The following MIPOL1 variants were observed in gnomAD, a reference collection of about 807,000 sequenced individuals.
MIPOL1 encodes mirror-image polydactyly gene 1 protein.
Under a neutral mutation model 60.9 loss-of-function variants are expected in MIPOL1, and 57 were observed. The observed-to-expected ratio is 0.94, with a 90% CI of 0.76 to 1.17. The LOEUF is 1.17. MIPOL1 is among the 50% of genes most tolerant of loss of function. MIPOL1 has a pLI of 0.00. For synonymous variants in MIPOL1, 179 were observed against 168.8 expected (o/e 1.06, Z -0.47); for missense variants, 551 against 511.6 (o/e 1.08, Z -0.74).
At chr14:37,404,432 T>C (rs1046760136) in intron 10 of MIPOL1, among the ~76,000 whole-genome samples, 2 of 152,186 alleles carry the variant, frequency 1.3e-5, no homozygotes, top group Non-Finnish European at 2.9e-5. Flanking sequence ...ATTTTAGTTA[T>C]GCTTCTCTTT....
At chr14:37,339,946 T>C (rs1309867219) in intron 9 of MIPOL1, among the ~76,000 whole-genome samples, 1 of 152,192 alleles carries the variant, frequency 6.6e-6, no homozygotes, top group African/African-American at 2.4e-5. Flanking sequence ...AGCCAATCAA[T>C]TCTACACTTA....
Position 37,268,685 on chromosome 14 carries a change from G to T in MIPOL1, c.279G>T (p.Met93Ile). 6.3e-7 allele frequency: 1 copy of T among 1,594,052 alleles called. No individual in the cohort carries two copies. Among genetic ancestry groups the T allele is most frequent in the Non-Finnish European group, 8.6e-7 (1 of 1,167,006 alleles). Reference sequence around the variant, plus strand: ...TTATGGAACATAGACATAATGATATGCATTATGAATGTATGACTCCTTGTC... The same window carrying T: ...TTATGGAACATAGACATAATGATATTCATTATGAATGTATGACTCCTTGTC... The part of the protein sequence containing the change: ...YNVMEHRHND[M>I]HYECMTPCQV... Residue 93 changes from methionine to isoleucine, a missense_variant, in exon 5 of 13, where the codon ATG becomes ATT. By Grantham distance (10) the Met-to-Ile change is conservative. Transcript: ENST00000684589.
At chr14:37,509,821 T>G (rs889916979) in intron 12 of MIPOL1, among the ~76,000 whole-genome samples, 1 of 151,616 alleles carries the variant, frequency 6.6e-6, no homozygotes, top group Non-Finnish European at 1.5e-5. Flanking sequence ...AAGCTATATA[T>G]GTATGTGTAT....
rs185024003 is a variant in MIPOL1 at position 37,518,421 on chromosome 14, G to A, written c.1262+18283G>A. 1.4e-4 allele frequency among the ~76,000 whole-genome samples: 22 copies of A among 152,138 alleles called. No homozygotes were observed. In the East Asian group the frequency reaches 3.5e-3, roughly 24 times the overall value. On this transcript the variant is annotated intron_variant, in intron 12 of 12. Coordinates refer to ENST00000684589, the MANE Select transcript of MIPOL1 (RefSeq NM_001388067.1). Reference sequence around the variant, plus strand: ...GGGATCTCGGCTCACCGCAACTTCCGCCTCCCGGGTTCAAGTGATTCTTCT... The same window carrying A: ...GGGATCTCGGCTCACCGCAACTTCCACCTCCCGGGTTCAAGTGATTCTTCT...
At chr14:37,449,062 G>A (rs2094380803) in intron 11 of MIPOL1, among the ~76,000 whole-genome samples, 1 of 152,070 alleles carries the variant, frequency 6.6e-6, no homozygotes. Context: ...AACAAAGAAG[G>A]GAATGGCAGC....
At chr14:37,413,115 C>G (rs1463744866) in intron 10 of MIPOL1, among the ~76,000 whole-genome samples, 2 of 151,858 alleles carry the variant, frequency 1.3e-5, no homozygotes, top group Admixed American at 6.6e-5. Flanking sequence ...ATACTAACTT[C>G]AATATTATCA....
At chr14:37,350,231 C>T (rs1311704434) in intron 9 of MIPOL1, among the ~76,000 whole-genome samples, 1 of 152,014 alleles carries the variant, frequency 6.6e-6, no homozygotes, top group African/African-American at 2.4e-5. Context: ...GATTCCATGC[C>T]TGACAAATTC....
At chr14:37,379,498 A>G (rs1476092246) in intron 10 of MIPOL1, among the ~76,000 whole-genome samples, 4 of 152,128 alleles carry the variant, frequency 2.6e-5, no homozygotes, top group Non-Finnish European at 5.9e-5. Flanking sequence ...TCTGTGTTTT[A>G]AAGTATACCA....
At chr14:37,340,751 T>G (rs556554100) in intron 9 of MIPOL1, among the ~76,000 whole-genome samples, 25 of 151,976 alleles carry the variant, frequency 1.6e-4, no homozygotes, top group African/African-American at 6.0e-4. Flanking sequence ...AGCAGAAACA[T>G]ATTTTTTATA....
In MIPOL1 at chr14:37,254,998, A is replaced by C. The variant is rs537576705; in HGVS notation, c.19+7091A>C. Among the ~76,000 whole-genome samples the C allele has an allele frequency of 2.6e-5, 4 of 151,968 alleles. No individual in the cohort carries two copies. In the South Asian group the frequency reaches 6.2e-4, roughly 24 times the overall value. On this transcript the variant is annotated intron_variant, in intron 3 of 12. Transcript: ENST00000684589. ...TGAAAACAAGATTTTTTTCTTTGAA[A>C]TAGAAAACAATGACTTGATTTTGTC... is the stretch of plus-strand genomic sequence containing the variant.
chr14:37,392,641 A>G (rs1044131731), intron 10 of MIPOL1, among the ~76,000 whole-genome samples: 7 of 152,082 alleles, frequency 4.6e-5, no homozygotes, highest in Non-Finnish European at 1.0e-4. Flanking sequence ...CCTTAAGTAC[A>G]TTGTTAGCTG....
At chr14:37,224,884 A>G (rs1969435845) in intron 1 of MIPOL1, among the ~76,000 whole-genome samples, 1 of 152,192 alleles carries the variant, frequency 6.6e-6, no homozygotes, top group South Asian at 2.1e-4. Context: ...AAAGCAAATT[A>G]GTTATTTTCT....
At position 37,353,016 on chromosome 14, in the gene MIPOL1, C is replaced by T. The variant is rs1039620057; in HGVS notation, c.829-16501C>T. Among the ~76,000 whole-genome samples, 7 of 132,950 alleles carry T rather than the reference C, an allele frequency of 5.3e-5. No individual in the cohort carries two copies. In the Admixed American group the frequency reaches 5.6e-4, roughly 11 times the overall value. The allele number at this position is 132,950 out of a possible 152,430, so 87.2% of individuals were successfully genotyped here. A position where few individuals can be genotyped will look rare whatever the true frequency, so the allele number is the denominator to read the frequency against. ...AAAGGGAATGCTTCCAGTTTTTGCC[C>T]ATTCAGTATGATATTGGCTGTGGGT... On this transcript the variant is annotated intron_variant, in intron 9 of 12. Coordinates refer to ENST00000684589, the MANE Select transcript of MIPOL1 (RefSeq NM_001388067.1).
At chr14:37,509,500 G>C (rs548873049) in intron 12 of MIPOL1, among the ~76,000 whole-genome samples, 1 of 151,884 alleles carries the variant, frequency 6.6e-6, no homozygotes, top group Admixed American at 6.6e-5. Context: ...ATGAATTATA[G>C]AACAGGATAG....
chr14:37,313,402 G>A (rs926500504), intron 9 of MIPOL1, among the ~76,000 whole-genome samples: 4 of 152,234 alleles, frequency 2.6e-5, no homozygotes, highest in African/African-American at 9.6e-5. Context: ...ACATAAATGG[G>A]CAAGGCCTGG....
At chr14:37,298,740 A>G (rs1426780432) in intron 7 of MIPOL1, among the ~76,000 whole-genome samples, 3 of 152,030 alleles carry the variant, frequency 2.0e-5, no homozygotes, top group Non-Finnish European at 2.9e-5. Flanking sequence ...AATCAAAACC[A>G]CAATGAGATA....
intron 5 of MIPOL1, among the ~76,000 whole-genome samples, chr14:37,270,014 A>T (rs2083172843): frequency 6.6e-6 from 1 of 152,042 alleles, no homozygotes; most frequent in Non-Finnish European, 1.5e-5. Context: ...TTTTTAGTAG[A>T]GACGGGGTTT....
intron 6 of MIPOL1, among the ~76,000 whole-genome samples, chr14:37,279,767 C>T (rs2083954695): frequency 6.6e-6 from 1 of 151,982 alleles, no homozygotes; most frequent in Non-Finnish European, 1.5e-5. Context: ...GTATTCACCA[C>T]CTCAAATACT....
intron 7 of MIPOL1, among the ~76,000 whole-genome samples, chr14:37,291,641 A>T (rs970392476): frequency 2.0e-5 from 3 of 152,028 alleles, no homozygotes; most frequent in African/African-American, 7.2e-5. Context: ...GCAATAATAG[A>T]GTATCTGGGA....
Sources: gnomAD v4.1 joint callset for allele counts (sites outside exome capture counted in the v4.1 genomes callset) on GRCh38, gnomAD v4.1.1 for gene constraint, MANE v1.5 for transcripts, NCBI Gene and HGNC (gene_info 2026-07-23, HGNC 2026-07-21) for gene names.